The following KCNIP4 variants were observed in gnomAD, a reference collection of about 807,000 sequenced individuals.
KCNIP4 encodes Kv channel-interacting protein 4.
Under a neutral mutation model 34.0 loss-of-function variants are expected in KCNIP4, and 12 were observed. The observed-to-expected ratio is 0.35, with a 90% confidence interval of 0.23 to 0.57. The LOEUF (loss-of-function observed/expected upper bound fraction) is 0.57. Among genes scored for constraint, KCNIP4 ranks in the 20% least tolerant of loss-of-function variants. The pLI is 0.83. For missense variants in KCNIP4, 238 were observed against 311.7 expected, an observed-to-expected ratio of 0.76 and a Z score of 1.78; for synonymous variants, 124 against 102.2, an observed-to-expected ratio of 1.21 and a Z score of -1.29.
At chr4:21,268,621 G>A (rs79802887) in intron 1 of KCNIP4, among the ~76,000 whole-genome samples, 2,668 of 152,280 alleles carry the variant, frequency 0.018, 86 homozygotes, top group African/African-American at 0.061. Flanking sequence ...GTTGCTTTCT[G>A]CTTCAACACT....
intron 1 of KCNIP4, among the ~76,000 whole-genome samples, chr4:21,338,166 G>C (rs1716364464): frequency 6.7e-6 from 1 of 150,358 alleles, no homozygotes; most frequent in Non-Finnish European, 1.5e-5. Context: ...TCGGGAGGCT[G>C]AGGCAGGAGA....
At chr4:21,130,863 CA>C (rs1379150704) in intron 1 of KCNIP4, among the ~76,000 whole-genome samples, 1 of 152,178 alleles carries the variant, frequency 6.6e-6, no homozygotes, top group Non-Finnish European at 1.5e-5. Flanking sequence ...AATGGGGTTA[CA>C]GTCCAATATA....
chr4:21,609,373 C>T (rs1049095354), intron 1 of KCNIP4, among the ~76,000 whole-genome samples: 6 of 152,170 alleles, frequency 3.9e-5, no homozygotes, highest in Non-Finnish European at 7.3e-5. Context: ...GTAGTCCATG[C>T]TTTCCACAGT....
chr4:21,137,991 C>T (rs1346527369), intron 1 of KCNIP4, among the ~76,000 whole-genome samples: 5 of 150,892 alleles, frequency 3.3e-5, no homozygotes, highest in African/African-American at 1.2e-4. Context: ...CCTTCCTCAG[C>T]CTCCCGAGTA....
chr4:21,044,698 A>T (rs1289701255), intron 1 of KCNIP4, among the ~76,000 whole-genome samples: 1 of 152,076 alleles, frequency 6.6e-6, no homozygotes, highest in Non-Finnish European at 1.5e-5. Context: ...ATTTACTTCC[A>T]CATCAACTTG....
At chr4:20,986,764 T>C (rs146125602) in intron 1 of KCNIP4, among the ~76,000 whole-genome samples, 15 of 152,336 alleles carry the variant, frequency 9.8e-5, no homozygotes, top group Middle Eastern at 3.4e-3. Context: ...TTTCCAGGAT[T>C]GAAATTCCTA....
rs1362483578 is a variant in KCNIP4 at position 21,756,559 on chromosome 4, A to G, written c.61+192012T>C. Among the ~76,000 whole-genome samples the G allele has an allele frequency of 7.2e-5, 11 of 151,888 alleles. 2 individuals are homozygous for G. The highest frequency in any genetic ancestry group is 2.7e-4 in the African/African-American group (11 of 41,454). On this transcript the variant is annotated intron_variant, in intron 1 of 8. Transcript: ENST00000382152. ...CAGAGCAAGACTCTGTCTCAAAAAA[A>G]AAAAAAAAAAGAGAGAGAGAGAGAA...
At chr4:21,126,333 A>T (rs1170378675) in intron 1 of KCNIP4, among the ~76,000 whole-genome samples, 1 of 152,194 alleles carries the variant, frequency 6.6e-6, no homozygotes, top group East Asian at 1.9e-4. Flanking sequence ...AAATCAGTTA[A>T]GCACTTGGCA....
intron 1 of KCNIP4, among the ~76,000 whole-genome samples, chr4:21,057,587 C>T (rs10017137): frequency 0.047 from 7,091 of 152,132 alleles, 238 homozygotes; most frequent in African/African-American, 0.099. Context: ...CAGTGAGAGT[C>T]GAACAATAGT....
intron 1 of KCNIP4, among the ~76,000 whole-genome samples, chr4:20,999,367 G>A (rs1301801159): frequency 1.3e-5 from 2 of 150,258 alleles, no homozygotes; most frequent in South Asian, 2.1e-4. Flanking sequence ...CACAGATCAC[G>A]AAGGGTCTTT....
chr4:21,562,453 G>A (rs1449457017), intron 1 of KCNIP4, among the ~76,000 whole-genome samples: 2 of 151,976 alleles, frequency 1.3e-5, no homozygotes, highest in Non-Finnish European at 2.9e-5. Flanking sequence ...TTTCTGGATA[G>A]CTTGTGGGAA....
intron 1 of KCNIP4, among the ~76,000 whole-genome samples, chr4:21,791,733 C>T (rs1002571097): frequency 2.6e-5 from 4 of 151,854 alleles, no homozygotes; most frequent in Non-Finnish European, 5.9e-5. Flanking sequence ...TAAGAACTAC[C>T]TCTCATGCCT....
chr4:20,900,066 T>C (rs1577336680), intron 1 of KCNIP4, among the ~76,000 whole-genome samples: 1 of 152,148 alleles, frequency 6.6e-6, no homozygotes, highest in South Asian at 2.1e-4. Flanking sequence ...AGGCATAAAA[T>C]AATCTTAAAA....
chr4:21,433,937 G>A (rs1270543654), intron 1 of KCNIP4, among the ~76,000 whole-genome samples: 2 of 152,148 alleles, frequency 1.3e-5, no homozygotes. Context: ...TACAGGTCAG[G>A]CACATTTAAA....
intron 1 of KCNIP4, among the ~76,000 whole-genome samples, chr4:21,413,934 T>C (rs1305199006): frequency 1.3e-5 from 2 of 152,234 alleles, no homozygotes; most frequent in African/African-American, 4.8e-5. Flanking sequence ...CTTCTGAAAT[T>C]ACTTACAGCT....
intron 1 of KCNIP4, among the ~76,000 whole-genome samples, chr4:21,684,824 C>T (rs960088800): frequency 3.4e-4 from 52 of 152,258 alleles, no homozygotes; most frequent in African/African-American, 1.1e-3. Context: ...CCCTCTCCCC[C>T]GACCCCATGA....
chr4:21,793,137 A>G (rs1720403826), intron 1 of KCNIP4, among the ~76,000 whole-genome samples: 1 of 152,248 alleles, frequency 6.6e-6, no homozygotes, highest in Non-Finnish European at 1.5e-5. Flanking sequence ...GTTTCTGAGA[A>G]AAGAAATCTA....
chr4:21,356,230 A>T (rs1305525691), intron 1 of KCNIP4, among the ~76,000 whole-genome samples: 1 of 152,156 alleles, frequency 6.6e-6, no homozygotes, highest in Non-Finnish European at 1.5e-5. Flanking sequence ...AATGGGCAAA[A>T]ACTGGAAGCA....
intron 1 of KCNIP4, among the ~76,000 whole-genome samples, chr4:21,630,701 A>G (rs1280543194): frequency 6.6e-6 from 1 of 152,152 alleles, no homozygotes; most frequent in Non-Finnish European, 1.5e-5. Context: ...ACACACTAAC[A>G]GATATGGCCA....
Sources: gnomAD v4.1 joint callset for allele counts (sites outside exome capture counted in the v4.1 genomes callset) on GRCh38, gnomAD v4.1.1 for gene constraint, MANE v1.5 for transcripts, NCBI Gene and HGNC (gene_info 2026-07-23, HGNC 2026-07-21) for gene names.